Variants in PLXNA1 observed in about 807,000 individuals in gnomAD.
The protein encoded by PLXNA1 is plexin A1.
PLXNA1 carries 77 observed loss-of-function variants against 191.7 expected under a neutral mutation model. That is an observed-to-expected ratio of 0.40 (90% CI 0.33 to 0.49). The LOEUF is 0.49. Among genes scored for constraint, PLXNA1 ranks in the 20% least tolerant of loss-of-function variants. The pLI is 0.63. For missense variants in PLXNA1, 2,110 were observed against 2,660.2 expected (o/e 0.79, Z 4.55); for synonymous variants, 1,137 against 1,156.4 (o/e 0.98, Z 0.34).
At chr3:126,991,659 G>A in intron 3 of PLXNA1, 93 bp downstream of exon 3, 1 of 1,308,102 alleles carries the variant, frequency 7.6e-7, no homozygotes, top group Non-Finnish European at 1.0e-6. Flanking sequence ...GCTGCTGTAT[G>A]CTGTGGGAGG....
At chr3:127,022,048 T>C in intron 21 of PLXNA1, 37 bp from the exon 22 acceptor site, 1 of 1,592,148 alleles carries the variant, frequency 6.3e-7, no homozygotes, top group Non-Finnish European at 8.6e-7. Context: ...TGGGGCTGGG[T>C]GCTTCTCTGT....
At chr3:127,000,959 G>A (rs942683325) in intron 3 of PLXNA1, among the ~76,000 whole-genome samples, 1 of 152,212 alleles carries the variant, frequency 6.6e-6, no homozygotes, top group African/African-American at 2.4e-5. Context: ...CCCAGCCTGT[G>A]TGTGTGAAGG....
In PLXNA1 at chr3:127,029,290, G is replaced by A; in HGVS notation, c.4774-150G>A. On this transcript the variant is annotated intron_variant, in intron 26 of 31. Transcript: ENST00000393409. ...TTGTGGGATTGCCTAGCATCCCTGGGCTGTCCTGATATAGAGTTCCAGACT... is the reference window on the plus strand; with the variant it reads ...TTGTGGGATTGCCTAGCATCCCTGGACTGTCCTGATATAGAGTTCCAGACT... The A allele has an allele frequency of 3.6e-6, 3 of 843,220 alleles. No individual in the cohort carries two copies. The South Asian group carries it at 4.5e-5, about 13-fold the overall frequency. The allele number at this position is 843,220 out of a possible 1,614,324, so 52.2% of individuals were successfully genotyped here. A position where few individuals can be genotyped will look rare whatever the true frequency, so the allele number is the denominator to read the frequency against.
chr3:127,031,606 C>T (rs1228923414), intron 29 of PLXNA1, among the ~76,000 whole-genome samples: 1 of 152,200 alleles, frequency 6.6e-6, no homozygotes, highest in Non-Finnish European at 1.5e-5. Context: ...CTTGTCCATC[C>T]CATGTGTTGC....
In PLXNA1 at chr3:127,020,401, C is replaced by T. The variant is rs1024354422; in HGVS notation, c.4038+57C>T. 33 of 1,590,362 alleles carry T rather than the reference C, an allele frequency of 2.1e-5. No individual in the cohort carries two copies. The South Asian group carries it at 3.4e-4, about 16-fold the overall frequency. On this transcript the variant is annotated intron_variant, in intron 21 of 31. Transcript: ENST00000393409. ...ACTCAGAGGCAGCTGCTATCTTCTGCCTTTGAGGCTCCTTGGGTGCTGATG... is the reference window on the plus strand; with the variant it reads ...ACTCAGAGGCAGCTGCTATCTTCTGTCTTTGAGGCTCCTTGGGTGCTGATG...
At position 126,989,148 on chromosome 3, in the gene PLXNA1, C is replaced by T; in HGVS notation, c.555C>T (p.Leu185=). 1 of 1,613,402 alleles carries T rather than the reference C, an allele frequency of 6.2e-7. No individual in the cohort carries two copies. Among genetic ancestry groups the T allele is most frequent in the Non-Finnish European group, 8.5e-7 (1 of 1,180,044 alleles). The change falls in exon 2 of 32, where the codon CTC becomes CTT. Residue 185 remains leucine (L), a synonymous_variant. Transcript: ENST00000393409. ...CACCGGGCCAGGGCCAGGCCAAGCT[C>T]TTCGTGGGCACACCCATCGATGGCA... ...AGPPGQGQAK[L]FVGTPIDGKS... is the part of the protein sequence containing the mutation.
chr3:127,024,020 C>T (rs2079165394), intron 23 of PLXNA1, among the ~76,000 whole-genome samples: 1 of 152,160 alleles, frequency 6.6e-6, no homozygotes, highest in South Asian at 2.1e-4. Context: ...CATCCTTAGG[C>T]AGAACTGGAA....
rs775565121 is a variant in PLXNA1 at position 127,029,025 on chromosome 3, C to T, written c.4702C>T (p.Leu1568=). The T allele has an allele frequency of 4.3e-6, 7 of 1,613,602 alleles. No homozygotes were observed. The highest frequency in any genetic ancestry group is 1.7e-5 in the Admixed American group (1 of 60,004). The change falls in exon 26 of 32, where the codon CTG becomes TTG. Residue 1568 remains leucine (L), a synonymous_variant. Coordinates refer to ENST00000393409, the MANE Select transcript of PLXNA1 (RefSeq NM_032242.4). ...WRQGRMARII[L]QDEDVTTKID... Reference sequence around the variant, plus strand: ...CCAGGGCCGCATGGCGCGCATCATCCTGCAGGACGAGGACGTCACCACCAA... The same window carrying T: ...CCAGGGCCGCATGGCGCGCATCATCTTGCAGGACGAGGACGTCACCACCAA...
chr3:126,987,941 G>A (rs1188666585), intron 1 of PLXNA1, among the ~76,000 whole-genome samples: 1 of 152,124 alleles, frequency 6.6e-6, no homozygotes. Flanking sequence ...GGGCCTCCAT[G>A]TCCTCCGTGG....
Position 127,028,725 on chromosome 3 carries a change from C to T in PLXNA1, c.4670-268C>T, listed in dbSNP as rs112681554. ...AGAGGCTGGGTCCCCACAGAAGCCT[C>T]GGTGCCAGGCTGAGGAGTTGGGGCC... is the stretch of plus-strand genomic sequence containing the variant. On this transcript the variant is annotated intron_variant, in intron 25 of 31. Transcript: ENST00000393409. 2,674 of 546,692 alleles carry T rather than the reference C, an allele frequency of 4.9e-3. 44 individuals carry two copies. The highest frequency in any genetic ancestry group is 0.045 in the African/African-American group (2,397 of 52,692). 33.9% of individuals were successfully genotyped at this position (546,692 alleles called of 1,614,324 possible). A position where few individuals can be genotyped will look rare whatever the true frequency, so the allele number is the denominator to read the frequency against.
At chr3:126,991,926 C>T (rs933167300) in intron 3 of PLXNA1, among the ~76,000 whole-genome samples, 2 of 152,182 alleles carry the variant, frequency 1.3e-5, no homozygotes, top group Admixed American at 6.5e-5. Context: ...GCCCCCTCCC[C>T]TCTGGGCCCT....
At chr3:126,990,749 T>C (rs531122507) in intron 2 of PLXNA1, among the ~76,000 whole-genome samples, 3 of 152,206 alleles carry the variant, frequency 2.0e-5, no homozygotes, top group South Asian at 4.1e-4. Context: ...GCAGGGCCCA[T>C]GTGTGCTTGG....
rs1336569640 is a variant in PLXNA1, at chr3:126,986,962, C to A, written c.-73-1559C>A. 1.2e-4 allele frequency among the ~76,000 whole-genome samples: 18 copies of A among 152,334 alleles called. No individual in the cohort carries two copies. The East Asian group carries it at 3.3e-3, about 28-fold the overall frequency. ...GTCTGGGATGGTCTGTGCAAACTGG[C>A]TGGCTGAGGCTTGAACTCAAGACTC... On this transcript the variant is annotated intron_variant, in intron 1 of 31. Coordinates refer to ENST00000393409, the MANE Select transcript of PLXNA1 (RefSeq NM_032242.4).
chr3:127,029,658 T>C (rs911136910), intron 27 of PLXNA1, 122 bp downstream of exon 27: 21 of 1,151,812 alleles, frequency 1.8e-5, no homozygotes, highest in African/African-American at 1.4e-4. Context: ...GTCAAGCCTG[T>C]CACTCGCACT....
At chr3:126,986,020 A>G (rs759201982) in intron 1 of PLXNA1, among the ~76,000 whole-genome samples, 15 of 152,190 alleles carry the variant, frequency 9.9e-5, no homozygotes, top group Non-Finnish European at 2.1e-4. Flanking sequence ...CGGTGGGCCC[A>G]AGACCAGGCT....
chr3:127,019,535 G>A (rs1055721863), intron 20 of PLXNA1, among the ~76,000 whole-genome samples: 1 of 152,216 alleles, frequency 6.6e-6, no homozygotes, highest in Non-Finnish European at 1.5e-5. Flanking sequence ...GGCCAGCCAG[G>A]TGCAGATAAC....
intron 3 of PLXNA1, among the ~76,000 whole-genome samples, chr3:126,999,952 C>G (rs2079031875): frequency 6.6e-6 from 1 of 152,088 alleles, no homozygotes; most frequent in Non-Finnish European, 1.5e-5. Context: ...AGGACAGGTA[C>G]CCCAGGGTTA....
intron 15 of PLXNA1, 76 bp from the exon 16 acceptor site, chr3:127,016,441 T>C (rs771604312): frequency 7.5e-6 from 10 of 1,327,698 alleles, no homozygotes; most frequent in Non-Finnish European, 1.1e-5. Context: ...GTTCCCACCG[T>C]CCCTCAATGC....
chr3:126,988,461 C>T (rs2107619829), intron 1 of PLXNA1, 60 bp from the exon 2 acceptor site: 1 of 828,942 alleles, frequency 1.2e-6, no homozygotes, highest in South Asian at 1.9e-5. Flanking sequence ...ACTGGGAGAT[C>T]ATAATATCAT....
Sources: gnomAD v4.1 joint callset for allele counts (sites outside exome capture counted in the v4.1 genomes callset) on GRCh38, gnomAD v4.1.1 for gene constraint, MANE v1.5 for transcripts, NCBI Gene and HGNC (gene_info 2026-07-23, HGNC 2026-07-21) for gene names.